The following ELAPOR2 variants were observed in gnomAD, a reference collection of about 807,000 sequenced individuals.
ELAPOR2 encodes the protein endosome/lysosome-associated apoptosis and autophagy regulator family member 2.
Under a neutral mutation model 120.7 loss-of-function variants are expected in ELAPOR2, and 89 were observed. That is an observed-to-expected ratio of 0.74 (90% confidence interval 0.62 to 0.88). The LOEUF (loss-of-function observed/expected upper bound fraction) is 0.88, where lower values mean the gene tolerates loss of function less well. ELAPOR2 is among the 40% of genes least tolerant of loss of function. The pLI is 0.00. For synonymous variants in ELAPOR2, 444 were observed against 444.9 expected, an observed-to-expected ratio of 1.00 and a Z score of 0.03; for missense variants, 1,134 against 1,251.6, an observed-to-expected ratio of 0.91 and a Z score of 1.42.
At chr7:86,942,244 A>C in intron 4 of ELAPOR2, 140 bp from the exon 5 acceptor site, 1 of 529,904 alleles carries the variant, frequency 1.9e-6, no homozygotes, top group Non-Finnish European at 3.4e-6. Context: ...AAGTAAACAT[A>C]CCGAGACCTC....
intron 2 of ELAPOR2, among the ~76,000 whole-genome samples, chr7:86,959,592 G>C (rs890801812): frequency 1.3e-5 from 2 of 152,074 alleles, no homozygotes; most frequent in Admixed American, 1.3e-4. Flanking sequence ...TGTGGCTTTT[G>C]TCTTTCATCC....
At chr7:87,035,436 T>A (rs1794557561) in intron 1 of ELAPOR2, among the ~76,000 whole-genome samples, 1 of 152,216 alleles carries the variant, frequency 6.6e-6, no homozygotes, top group African/African-American at 2.4e-5. Flanking sequence ...ATGAGCATTA[T>A]AGCAATTATA....
intron 8 of ELAPOR2, among the ~76,000 whole-genome samples, chr7:86,934,870 A>C (rs1440991884): frequency 7.9e-5 from 12 of 151,968 alleles, no homozygotes. Flanking sequence ...CTAACCAAAT[A>C]GTACCTCTAC....
At chr7:87,006,284 A>C (rs1334012569) in intron 1 of ELAPOR2, among the ~76,000 whole-genome samples, 1 of 152,034 alleles carries the variant, frequency 6.6e-6, no homozygotes, top group Non-Finnish European at 1.5e-5. Context: ...GAAGTAATTT[A>C]ATCATTGGTT....
chr7:86,912,796 G>C (rs574865710), intron 14 of ELAPOR2, 145 bp downstream of exon 14: 19 of 917,558 alleles, frequency 2.1e-5, no homozygotes, highest in Non-Finnish European at 2.7e-5. Flanking sequence ...ACGCAAGAAG[G>C]GAGAAAACAG....
chr7:86,970,897 A>T (rs372423544), intron 1 of ELAPOR2, among the ~76,000 whole-genome samples: 7 of 152,182 alleles, frequency 4.6e-5, no homozygotes, highest in African/African-American at 1.7e-4. Flanking sequence ...ATCTTTGTAA[A>T]CAGGTGCTCA....
intron 1 of ELAPOR2, among the ~76,000 whole-genome samples, chr7:86,986,288 G>A (rs1296274050): frequency 1.7e-5 from 2 of 117,370 alleles, no homozygotes; most frequent in African/African-American, 7.9e-5. Flanking sequence ...AATTAGCCGG[G>A]CGTAGTGGCG....
At chr7:86,924,786 A>T (rs1789992635) in intron 10 of ELAPOR2, among the ~76,000 whole-genome samples, 1 of 151,958 alleles carries the variant, frequency 6.6e-6, no homozygotes, top group South Asian at 2.1e-4. Flanking sequence ...CGTATGTGTT[A>T]AAAAGCACAC....
chr7:86,973,480 AC>A (rs751402626), intron 1 of ELAPOR2, among the ~76,000 whole-genome samples: 6 of 151,874 alleles, frequency 4.0e-5, no homozygotes, highest in Non-Finnish European at 5.9e-5. Context: ...TTTCAGGTCC[AC>A]CCCTACTCTT....
chr7:86,880,475 A>T lies in ELAPOR2; in HGVS notation c.3086T>A (p.Ile1029Lys). Residue 1029 changes from isoleucine (I) to lysine (K), a missense_variant, in exon 22 of 22, where the codon ATA becomes AAA. By Grantham distance (102) the Ile-to-Lys change is moderately radical. This residue lies in a region of ELAPOR2 where 831 missense variants were observed against 867.6 expected (regional missense o/e 0.96). Coordinates refer to ENST00000450689, the MANE Select transcript of ELAPOR2 (RefSeq NM_001142749.3). Reference protein sequence around the residue: ...VQLKTSRSPNI With the variant: ...VQLKTSRSPNK ...CAAGGCTACAGCACTGTCTCTTCAT[A>T]TATTTGGGGATCTTGAGGTTTTCAG... The T allele has an allele frequency of 6.2e-7, 1 of 1,607,876 alleles. No individual in the cohort carries two copies. The highest frequency in any genetic ancestry group is 8.5e-7 in the Non-Finnish European group (1 of 1,174,580).
chr7:86,894,618 G>C (rs1788351299), intron 19 of ELAPOR2, among the ~76,000 whole-genome samples: 1 of 151,916 alleles, frequency 6.6e-6, no homozygotes, highest in African/African-American at 2.4e-5. Context: ...TACCGACATG[G>C]AAAAAAATCA....
At chr7:86,940,269 T>C (rs1312108833) in intron 5 of ELAPOR2, among the ~76,000 whole-genome samples, 154 bp from the exon 6 acceptor site, 1 of 152,084 alleles carries the variant, frequency 6.6e-6, no homozygotes, top group Non-Finnish European at 1.5e-5. Context: ...TAACCTCCGC[T>C]GAAGTTTACA....
intron 14 of ELAPOR2, 132 bp downstream of exon 14, chr7:86,912,809 A>G: frequency 9.6e-7 from 1 of 1,044,258 alleles, no homozygotes; most frequent in South Asian, 1.7e-5. Context: ...GAAAACAGAA[A>G]TGGTAAGTAG....
intron 1 of ELAPOR2, among the ~76,000 whole-genome samples, chr7:86,971,693 T>C (rs751649503): frequency 6.6e-5 from 10 of 152,072 alleles, no homozygotes; most frequent in South Asian, 4.1e-4. Context: ...AAAACAGCAA[T>C]AGATGCAGGT....
chr7:86,903,634 C>T (rs934966133), intron 18 of ELAPOR2, among the ~76,000 whole-genome samples: 1 of 152,114 alleles, frequency 6.6e-6, no homozygotes, highest in Non-Finnish European at 1.5e-5. Flanking sequence ...GTGAAATAAA[C>T]CCCTGGAGTG....
chr7:87,057,276 T>G (rs377570918), intron 1 of ELAPOR2, among the ~76,000 whole-genome samples: 1 of 152,130 alleles, frequency 6.6e-6, no homozygotes, highest in Non-Finnish European at 1.5e-5. Context: ...CCCACTTTCC[T>G]CTTAAAAACA....
At chr7:87,032,591 A>G (rs1161297105) in intron 1 of ELAPOR2, among the ~76,000 whole-genome samples, 1 of 152,182 alleles carries the variant, frequency 6.6e-6, no homozygotes, top group Non-Finnish European at 1.5e-5. Flanking sequence ...CTTCACGTAC[A>G]TCCTTCACTC....
At chr7:87,035,218 T>A (rs928846327) in intron 1 of ELAPOR2, among the ~76,000 whole-genome samples, 3 of 152,114 alleles carry the variant, frequency 2.0e-5, no homozygotes, top group Admixed American at 6.6e-5. Context: ...AAATCCAGCA[T>A]AGTGAAATTG....
At chr7:86,981,657 T>C (rs1022370158) in intron 1 of ELAPOR2, among the ~76,000 whole-genome samples, 1 of 152,256 alleles carries the variant, frequency 6.6e-6, no homozygotes, top group Non-Finnish European at 1.5e-5. Context: ...AGCACCTCCT[T>C]CTGGGAATAC....
Sources: gnomAD v4.1 joint callset for allele counts (sites outside exome capture counted in the v4.1 genomes callset) on GRCh38, gnomAD v4.1.1 for gene constraint, gnomAD v4.1.1 regional missense constraint, MANE v1.5 for transcripts, NCBI Gene and HGNC (gene_info 2026-07-23, HGNC 2026-07-21) for gene names.